EFCAB6: variants seen among roughly 807,000 people sequenced by gnomAD.
EFCAB6 encodes the protein EF-hand calcium-binding domain-containing protein 6.
In EFCAB6, 156 loss-of-function variants were observed where a neutral mutation model predicts 169.8. That is an observed-to-expected ratio of 0.92 (90% CI 0.81 to 1.05). EFCAB6 has a LOEUF of 1.05. EFCAB6 is among the 50% of genes least tolerant of loss of function. The probability of loss-of-function intolerance (pLI) is 0.00; values close to 1 mark genes in which losing one functional copy is unlikely to be tolerated. For missense variants in EFCAB6, 1,800 were observed against 1,829.1 expected (o/e 0.98, Z 0.29); for synonymous variants, 698 against 676.4 (o/e 1.03, Z -0.50).
At chr22:43,737,547 G>A (rs28689138) in intron 6 of EFCAB6, among the ~76,000 whole-genome samples, 114,071 of 149,792 alleles carry the variant, frequency 0.76, 43,164 homozygotes, top group East Asian at 0.87. Context: ...ACACACACAT[G>A]TATTCATACA....
chr22:43,748,049 A>G (rs1405744566), intron 6 of EFCAB6, among the ~76,000 whole-genome samples: 3 of 152,208 alleles, frequency 2.0e-5, no homozygotes, highest in South Asian at 2.1e-4. Context: ...TGTATCCCCA[A>G]TAACCACATG....
At chr22:43,642,794 A>G (rs1229586079) in intron 17 of EFCAB6, among the ~76,000 whole-genome samples, 2 of 152,194 alleles carry the variant, frequency 1.3e-5, no homozygotes, top group Non-Finnish European at 2.9e-5. Context: ...CGCCATGGTC[A>G]TGTGCACAGG....
chr22:43,731,444 G>A (rs2059943826), intron 8 of EFCAB6, among the ~76,000 whole-genome samples: 1 of 152,162 alleles, frequency 6.6e-6, no homozygotes, highest in African/African-American at 2.4e-5. Context: ...CACATCTTCT[G>A]TGTTATTATT....
At chr22:43,646,594 T>C (rs190948747) in intron 17 of EFCAB6, among the ~76,000 whole-genome samples, 64 of 152,312 alleles carry the variant, frequency 4.2e-4, no homozygotes, top group African/African-American at 1.4e-3. Context: ...AAGGTAATAG[T>C]CTAATTCAGT....
At chr22:43,800,821 T>A (rs893467024) in intron 2 of EFCAB6, among the ~76,000 whole-genome samples, 4 of 151,976 alleles carry the variant, frequency 2.6e-5, no homozygotes, top group Admixed American at 2.6e-4. Flanking sequence ...GCAATGAAGA[T>A]CACCTATAAG....
rs777051181 is a variant in EFCAB6 at position 43,528,953 on chromosome 22, T to C, written c.4406A>G (p.Asn1469Ser). The change falls in exon 32 of 32, where the codon AAC becomes AGC. Residue 1469 changes from asparagine to serine, a missense_variant. Coordinates refer to ENST00000262726, the MANE Select transcript of EFCAB6 (RefSeq NM_022785.4). ...FRTVLRQYSINLSEEEFFHIL... is the reference protein window; with the variant it reads ...FRTVLRQYSISLSEEEFFHIL... Reference sequence around the variant, plus strand: ...ATGGAAGAACTCTTCCTCAGAGAGGTTGATGCTGTACTGTCTCAGGACCTG... The same window carrying C: ...ATGGAAGAACTCTTCCTCAGAGAGGCTGATGCTGTACTGTCTCAGGACCTG... 3.1e-6 allele frequency: 5 copies of C among 1,604,026 alleles called. No individual in the cohort carries two copies. Among genetic ancestry groups the C allele is most frequent in the Admixed American group, 1.7e-5 (1 of 59,880 alleles).
At chr22:43,779,617 G>A (rs1005673859) in intron 3 of EFCAB6, among the ~76,000 whole-genome samples, 1 of 152,144 alleles carries the variant, frequency 6.6e-6, no homozygotes, top group Non-Finnish European at 1.5e-5. Flanking sequence ...GCATGCGCCT[G>A]TAGTCCCAGC....
chr22:43,787,604 C>A (rs192712894), intron 2 of EFCAB6, among the ~76,000 whole-genome samples: 1 of 152,130 alleles, frequency 6.6e-6, no homozygotes, highest in Admixed American at 6.5e-5. Context: ...TGAAAGTAGA[C>A]CTGAATAAAT....
intron 24 of EFCAB6, among the ~76,000 whole-genome samples, chr22:43,586,432 T>C (rs1047999161): frequency 1.4e-5 from 2 of 144,326 alleles, no homozygotes; most frequent in African/African-American, 5.1e-5. Flanking sequence ...CATTGCAGCC[T>C]TGAATTCCTG....
chr22:43,760,535 T>C (rs1415224914), intron 5 of EFCAB6, among the ~76,000 whole-genome samples: 2 of 152,248 alleles, frequency 1.3e-5, no homozygotes, highest in Non-Finnish European at 2.9e-5. Context: ...TCTGCCCTGT[T>C]TTTTCTCTTA....
At chr22:43,590,843 T>C (rs943067438) in intron 23 of EFCAB6, among the ~76,000 whole-genome samples, 2 of 149,628 alleles carry the variant, frequency 1.3e-5, no homozygotes, top group East Asian at 3.9e-4. Context: ...TGCAAAAGAG[T>C]CAGCTGGGGA....
At position 43,632,260 on chromosome 22, in the gene EFCAB6, G is replaced by T. The variant is rs2055013029; in HGVS notation, c.2099-22C>A. ...GGATCTGGAACAATTACAAAGATCG[G>T]GGTTTCCATTAGTGCCCATCAGCTT... On this transcript the variant is annotated intron_variant, in intron 18 of 31. Coordinates refer to ENST00000262726, the MANE Select transcript of EFCAB6 (RefSeq NM_022785.4). 3.1e-6 allele frequency: 5 copies of T among 1,605,630 alleles called. No homozygotes were observed. In the African/African-American group the frequency reaches 4.1e-5, roughly 13 times the overall value.
At chr22:43,632,259 G>A (rs202221255) in intron 18 of EFCAB6, 21 bp from the exon 19 acceptor site, 147 of 1,605,780 alleles carry the variant, frequency 9.2e-5, no homozygotes, top group Admixed American at 5.9e-4. Context: ...TACAAAGATC[G>A]GGGTTTCCAT....
chr22:43,561,508 G>A (rs1438193015), intron 26 of EFCAB6, among the ~76,000 whole-genome samples: 1 of 152,030 alleles, frequency 6.6e-6, no homozygotes, highest in African/African-American at 2.4e-5. Flanking sequence ...GGGTCCCCAG[G>A]CCCCATGGAT....
At chr22:43,637,906 C>A (rs1391989797) in intron 17 of EFCAB6, among the ~76,000 whole-genome samples, 1 of 152,242 alleles carries the variant, frequency 6.6e-6, no homozygotes, top group Non-Finnish European at 1.5e-5. Context: ...GCAAACTCTT[C>A]TTGCTCAGTT....
chr22:43,755,494 A>G (rs1339464405), intron 6 of EFCAB6, among the ~76,000 whole-genome samples: 1 of 152,264 alleles, frequency 6.6e-6, no homozygotes, highest in African/African-American at 2.4e-5. Flanking sequence ...AGCCCTACTA[A>G]TAATGATCTA....
intron 8 of EFCAB6, among the ~76,000 whole-genome samples, chr22:43,730,069 T>C (rs2059882918): frequency 1.3e-5 from 2 of 149,208 alleles, no homozygotes; most frequent in Non-Finnish European, 3.0e-5. Flanking sequence ...GAGGCTGAGG[T>C]TGGAGGATTG....
At chr22:43,723,783 G>A (rs376042624) in intron 8 of EFCAB6, among the ~76,000 whole-genome samples, 2 of 152,204 alleles carry the variant, frequency 1.3e-5, no homozygotes, top group African/African-American at 4.8e-5. Context: ...TTTACAGCTT[G>A]TACTTTTCAG....
chr22:43,785,718 T>G (rs1203702663), intron 2 of EFCAB6, among the ~76,000 whole-genome samples: 1 of 152,038 alleles, frequency 6.6e-6, no homozygotes, highest in Admixed American at 6.6e-5. Context: ...CAAAGTTACT[T>G]CAAAAGATTA....
Sources: gnomAD v4.1 joint callset for allele counts (sites outside exome capture counted in the v4.1 genomes callset) on GRCh38, gnomAD v4.1.1 for gene constraint, MANE v1.5 for transcripts, NCBI Gene and HGNC (gene_info 2026-07-23, HGNC 2026-07-21) for gene names.